CCNF: variants seen among roughly 807,000 people sequenced by gnomAD.
The protein encoded by CCNF is cyclin-F.
CCNF carries 30 observed loss-of-function variants against 85.4 expected under a neutral mutation model. The observed-to-expected ratio is 0.35, with a 90% confidence interval of 0.26 to 0.48. The LOEUF (loss-of-function observed/expected upper bound fraction) is 0.48, where lower values mean the gene tolerates loss of function less well. Ranked by LOEUF, CCNF falls within the 20% of genes least tolerant of loss-of-function variation. The pLI is 0.99. For synonymous variants in CCNF, 439 were observed against 425.1 expected (o/e 1.03, Z -0.40); for missense variants, 919 against 1,010.4 (o/e 0.91, Z 1.23).
At chr16:2,438,213 C>A in intron 6 of CCNF, 90 bp downstream of exon 6, 1 of 955,522 alleles carries the variant, frequency 1.0e-6, no homozygotes. Flanking sequence ...AAGGGGGTGT[C>A]CAAGGCCCAA....
At chr16:2,441,981 A>ATGTGTG (rs1555497458) in intron 8 of CCNF, among the ~76,000 whole-genome samples, 1 of 98,750 alleles carries the variant, frequency 1.0e-5, no homozygotes, top group Non-Finnish European at 2.1e-5. Flanking sequence ...ATATATATAT[A>ATGTGTG]TGTTTTTGTT....
In CCNF at chr16:2,456,620, G is replaced by A. The variant is rs747829079; in HGVS notation, c.1961G>A (p.Ser654Asn). The change falls in exon 17 of 17, where the codon AGT becomes AAT. Residue 654 changes from serine to asparagine, a missense_variant. Ser to Asn is a conservative substitution (Grantham distance 46). Transcript: ENST00000397066. The surrounding 1 kb of genome is among the most constrained non-coding windows in gnomAD (Gnocchi z 4.5). ...GAACAGCATTGCTGCCAGGAATCCA[G>A]TGATGAGGAGGCTTGTCCAGAGGAC... ...NPEQHCCQES[S>N]DEEACPEDKG... The A allele has an allele frequency of 3.1e-6, 5 of 1,607,584 alleles. No individual in the cohort carries two copies. The African/African-American group carries it at 4.0e-5, about 13-fold the overall frequency.
Position 2,448,922 on chromosome 16 carries a change from G to A in CCNF, c.1162G>A (p.Glu388Lys), listed in dbSNP as rs1339985977. ...VWLTDNTYKY[E>K]DLVRMMGEIV... ...GCTCACGGACAACACTTACAAGTAC[G>A]AGGACCTGGTGAGAATGATGGGCGA... Residue 388 changes from glutamate (E) to lysine (K), a missense_variant, in exon 11 of 17, where the codon GAG (glutamate) becomes AAG (lysine). Physicochemically the swap from Glu to Lys is moderately conservative, Grantham distance 56. Transcript: ENST00000397066. 3.7e-6 allele frequency: 6 copies of A among 1,614,144 alleles called. No homozygotes were observed. The highest frequency in any genetic ancestry group is 1.1e-5 in the South Asian group (1 of 91,084).
At chr16:2,455,647 T>A in intron 16 of CCNF, 83 bp downstream of exon 16, 1 of 1,473,794 alleles carries the variant, frequency 6.8e-7, no homozygotes, top group Non-Finnish European at 9.0e-7. Flanking sequence ...CCCGGCCCTG[T>A]GCGAGCGCTG....
intron 8 of CCNF, 151 bp downstream of exon 8, chr16:2,439,977 C>A: frequency 1.5e-6 from 1 of 671,174 alleles, no homozygotes. Flanking sequence ...ATCGGTTCAG[C>A]ACTGGAACTG....
intron 13 of CCNF, among the ~76,000 whole-genome samples, chr16:2,450,316 T>A (rs181326448): frequency 1.1e-4 from 12 of 106,466 alleles, no homozygotes; most frequent in Admixed American, 5.2e-4. Context: ...CTGGTCAACG[T>A]GGCAAAACCC....
At position 2,456,940 on chromosome 16, in the gene CCNF, C is replaced by A. The variant is rs774732292; in HGVS notation, c.2281C>A (p.Pro761Thr). The A allele has an allele frequency of 2.5e-6, 4 of 1,613,898 alleles. No homozygotes were observed. In the African/African-American group the frequency reaches 5.3e-5, roughly 22 times the overall value. The change falls in exon 17 of 17, where the codon CCC (proline) becomes ACC (threonine). Residue 761 changes from proline (P) to threonine (T), a missense_variant. Physicochemically the swap from Pro to Thr is conservative, Grantham distance 38. This residue lies in a region of CCNF where 505 missense variants were observed against 514.8 expected (regional missense o/e 0.98). Transcript: ENST00000397066. This position sits in a 1 kb window ranked among gnomAD's most constrained non-coding sequence, Gnocchi z 4.5. ...CCCAAGTCCCCCGGAGAGCAGTGTT[C>A]CCCAGCAACAGGTGAAGCGGATAAA... ...RPPSPPESSV[P>T]QQQVKRINLC...
rs757891079 is a variant in CCNF at position 2,453,890 on chromosome 16, C to T, written c.1715+353C>T. Among the ~76,000 whole-genome samples, 3 of 152,198 alleles carry T rather than the reference C, an allele frequency of 2.0e-5. No homozygotes were observed. Among genetic ancestry groups the T allele is most frequent in the African/African-American group, 4.8e-5 (2 of 41,446 alleles). ...TGCTCCATGATGCTGCTGTCACTCCCGGCACTCGAGCTGTGACCTGAGTCA... is the reference window on the plus strand; with the variant it reads ...TGCTCCATGATGCTGCTGTCACTCCTGGCACTCGAGCTGTGACCTGAGTCA... On this transcript the variant is annotated intron_variant, in intron 15 of 16. Transcript: ENST00000397066. This position sits in a 1 kb window ranked among gnomAD's most constrained non-coding sequence, Gnocchi z 5.6.
In CCNF at chr16:2,456,689, T is replaced by A; in HGVS notation, c.2030T>A (p.Ile677Asn). The A allele has an allele frequency of 6.2e-7, 1 of 1,613,466 alleles. No homozygotes were observed. The highest frequency in any genetic ancestry group is 8.5e-7 in the Non-Finnish European group (1 of 1,179,880). Residue 677 changes from isoleucine to asparagine, a missense_variant, in exon 17 of 17, where the codon ATC becomes AAC. This residue lies in a region of CCNF where 505 missense variants were observed against 514.8 expected (regional missense o/e 0.98). Coordinates refer to ENST00000397066, the MANE Select transcript of CCNF (RefSeq NM_001761.3). The surrounding 1 kb of genome is among the most constrained non-coding windows in gnomAD (Gnocchi z 4.5). ...CAGGCACTGGCGCTGGACACCCAGA[T>A]CCCTGCAACCCCTGGACCCAAACCC... ...DPQALALDTQIPATPGPKPLV... is the reference protein window; with the variant it reads ...DPQALALDTQNPATPGPKPLV...
chr16:2,447,096 A>G (rs957269424), intron 10 of CCNF, among the ~76,000 whole-genome samples: 2 of 152,116 alleles, frequency 1.3e-5, no homozygotes, highest in African/African-American at 2.4e-5. Context: ...ATCTGACTGC[A>G]CATCCATCAC....
In CCNF at chr16:2,433,013, G is replaced by A; in HGVS notation, c.224G>A (p.Cys75Tyr). The change falls in exon 3 of 17, where the codon TGT becomes TAT. Residue 75 changes from cysteine (C) to tyrosine (Y), a missense_variant. Physicochemically the swap from Cys to Tyr is radical, Grantham distance 194. Transcript: ENST00000397066. ...LVDNHASVWACASFQELWPSP... is the reference protein window; with the variant it reads ...LVDNHASVWAYASFQELWPSP... ...GACAACCACGCCAGTGTGTGGGCAT[G>A]TGCCAGCTTCCAGGAGCTGTGGCCG... is the stretch of plus-strand genomic sequence containing the variant. 1 of 1,611,688 alleles carries A rather than the reference G, an allele frequency of 6.2e-7. No individual in the cohort carries two copies. The highest frequency in any genetic ancestry group is 1.1e-5 in the South Asian group (1 of 90,926).
At chr16:2,431,507 C>G (rs1425878497) in intron 2 of CCNF, among the ~76,000 whole-genome samples, 1 of 151,878 alleles carries the variant, frequency 6.6e-6, no homozygotes, top group African/African-American at 2.4e-5. Flanking sequence ...GGCAAAACCC[C>G]CATCTCTACT....
Position 2,441,937 on chromosome 16 carries a change from TTATATATATATATATATATATATA to T in CCNF, c.778-1690_778-1667del, listed in dbSNP as rs55737759. Among the ~76,000 whole-genome samples, 121 of 60,146 alleles carry T rather than the reference TTATATATATATATATATATATATA, an allele frequency of 2.0e-3. 3 individuals are homozygous for T. The highest frequency in any genetic ancestry group is 5.5e-3 in the East Asian group (6 of 1,090). The allele number at this position is 60,146 out of a possible 152,430, so 39.5% of individuals were successfully genotyped here. ...ATTTTGGGCTCATGATATTAGCAAA[TTATATATATATATATATATATATA>T]TATATATATATATATATATATGTTT... On this transcript the variant is annotated intron_variant, in intron 8 of 16. Transcript: ENST00000397066.
chr16:2,444,048 T>C (rs1022110065), intron 9 of CCNF, among the ~76,000 whole-genome samples: 3 of 149,246 alleles, frequency 2.0e-5, no homozygotes, highest in East Asian at 2.0e-4. Flanking sequence ...GCCTCCCGAG[T>C]AGCTGGGACT....
chr16:2,430,377 T>G (rs2065256517), intron 1 of CCNF, among the ~76,000 whole-genome samples: 1 of 152,074 alleles, frequency 6.6e-6, no homozygotes, highest in Non-Finnish European at 1.5e-5. Context: ...GAGTAGGAGT[T>G]GGAAAATCCG....
intron 10 of CCNF, among the ~76,000 whole-genome samples, chr16:2,448,072 G>C (rs1596926464): frequency 6.6e-6 from 1 of 152,266 alleles, no homozygotes; most frequent in African/African-American, 2.4e-5. Context: ...GTTGACAACA[G>C]AGAACAGGGT....
At chr16:2,437,463 T>C (rs956545571) in intron 5 of CCNF, 141 bp downstream of exon 5, 10 of 621,666 alleles carry the variant, frequency 1.6e-5, no homozygotes, top group African/African-American at 1.3e-4. Flanking sequence ...AGTGCAGATA[T>C]GGGGAACGCA....
In CCNF at chr16:2,452,114, C is replaced by G. The variant is rs1167084796; in HGVS notation, c.1488-1096C>G. Among the ~76,000 whole-genome samples, 4 of 152,232 alleles carry G rather than the reference C, an allele frequency of 2.6e-5. No individual in the cohort carries two copies. The highest frequency in any genetic ancestry group is 7.2e-5 in the African/African-American group (3 of 41,460). On this transcript the variant is annotated intron_variant, in intron 13 of 16. Transcript: ENST00000397066. This position sits in a 1 kb window ranked among gnomAD's most constrained non-coding sequence, Gnocchi z 4.1. ...GACTGGAGCTATCCGTGGCGGCTGC[C>G]CGGCCTCCTGGAACACTGTGGCAGC... is the stretch of plus-strand genomic sequence containing the variant.
chr16:2,449,878 G>A lies in CCNF; in HGVS notation c.1450G>A (p.Asp484Asn), dbSNP rs1239041295. ...GGACCTCACCGGATTCTCCTATGAAGACCTCATTCCCTGCGTCTTGAGCCT... is the reference window on the plus strand; with the variant it reads ...GGACCTCACCGGATTCTCCTATGAAAACCTCATTCCCTGCGTCTTGAGCCT... ...LWDLTGFSYE[D>N]LIPCVLSLHK... The change falls in exon 13 of 17, where the codon GAC (aspartate) becomes AAC (asparagine). Residue 484 changes from aspartate to asparagine, a missense_variant. This residue lies in a region of CCNF where 505 missense variants were observed against 514.8 expected (regional missense o/e 0.98). Transcript: ENST00000397066. The A allele has an allele frequency of 1.2e-6, 2 of 1,600,712 alleles. No individual in the cohort carries two copies. Among genetic ancestry groups the A allele is most frequent in the Admixed American group, 3.4e-5 (2 of 58,362 alleles).
Sources: gnomAD v4.1 joint callset for allele counts (sites outside exome capture counted in the v4.1 genomes callset) on GRCh38, gnomAD v4.1.1 for gene constraint, gnomAD v4.1.1 regional missense constraint, Gnocchi (gnomAD v3.1) non-coding constraint, MANE v1.5 for transcripts, NCBI Gene and HGNC (gene_info 2026-07-23, HGNC 2026-07-21) for gene names.